Variants in IGF2R observed in about 807,000 individuals in gnomAD.
IGF2R encodes insulin like growth factor 2 receptor.
Under a neutral mutation model 270.6 loss-of-function variants are expected in IGF2R, and 91 were observed. That is an observed-to-expected ratio of 0.34 (90% CI 0.28 to 0.40). The LOEUF is 0.40. IGF2R is among the 10% of genes least tolerant of loss of function. The pLI, the probability that IGF2R is intolerant of heterozygous loss-of-function variation, is 1.00. For missense variants in IGF2R, 2,805 were observed against 3,188.3 expected, an observed-to-expected ratio of 0.88 and a Z score of 2.90; for synonymous variants, 1,316 against 1,258.9, an observed-to-expected ratio of 1.05 and a Z score of -0.96.
At chr6:160,082,585 C>T (rs544230006) in intron 39 of IGF2R, among the ~76,000 whole-genome samples, 1 of 152,268 alleles carries the variant, frequency 6.6e-6, no homozygotes, top group South Asian at 2.1e-4. Flanking sequence ...GCTGGGATTA[C>T]AGGCGTGAGC....
At chr6:159,972,064 A>T (rs1276110845) in intron 1 of IGF2R, among the ~76,000 whole-genome samples, 3 of 152,190 alleles carry the variant, frequency 2.0e-5, no homozygotes. Context: ...AAAACTGGCT[A>T]AAATTTCCGT....
chr6:159,998,539 C>T lies in IGF2R; in HGVS notation c.289+7216C>T, dbSNP rs146502848. On this transcript the variant is annotated intron_variant, in intron 2 of 47. Coordinates refer to ENST00000356956, the MANE Select transcript of IGF2R (RefSeq NM_000876.4). The surrounding 1 kb of genome is among the most constrained non-coding windows in gnomAD (Gnocchi z 4.1). ...GGCCCCGTGGAATAGGAAACGATGC[C>T]TACAGGGGAGATACCAAAGATAACT... is the stretch of plus-strand genomic sequence containing the variant. Among the ~76,000 whole-genome samples, 1 of 152,258 alleles carries T rather than the reference C, an allele frequency of 6.6e-6. No individual in the cohort carries two copies. The highest frequency in any genetic ancestry group is 1.5e-5 in the Non-Finnish European group (1 of 68,024).
In IGF2R at chr6:160,064,809, A is replaced by T. The variant is rs568174083; in HGVS notation, c.4023A>T (p.Val1341=). The T allele has an allele frequency of 2.5e-6, 4 of 1,609,530 alleles. No individual in the cohort carries two copies. The South Asian group carries it at 4.4e-5, about 18-fold the overall frequency. ...GTGCCTCTTAACTTTTTTAGCCAGT[A>T]TTTCTAAAGGAGACTTCAGATTGTT... The part of the protein sequence containing the change: ...FYCDRGTQRP[V]FLKETSDCSY... The change falls in exon 29 of 48, where the codon GTA becomes GTT. Residue 1341 remains valine, a synonymous_variant. Transcript: ENST00000356956.
At chr6:160,037,358 A>G (rs1777850382) in intron 10 of IGF2R, among the ~76,000 whole-genome samples, 1 of 152,250 alleles carries the variant, frequency 6.6e-6, no homozygotes, top group Non-Finnish European at 1.5e-5. Context: ...AAACTCTGAG[A>G]GCAAATTGTG....
intron 15 of IGF2R, among the ~76,000 whole-genome samples, 154 bp downstream of exon 15, chr6:160,046,799 G>A (rs1778078132): frequency 6.6e-6 from 1 of 152,226 alleles, no homozygotes; most frequent in Non-Finnish European, 1.5e-5. Context: ...GATGTTAGGA[G>A]TTTAATTTCC....
At chr6:159,993,877 A>T (rs1172340313) in intron 2 of IGF2R, among the ~76,000 whole-genome samples, 1 of 151,288 alleles carries the variant, frequency 6.6e-6, no homozygotes, top group African/African-American at 2.4e-5. Flanking sequence ...TGTGTTCATT[A>T]GGGATATTGG....
intron 2 of IGF2R, among the ~76,000 whole-genome samples, chr6:159,994,242 A>G (rs1784019613): frequency 6.6e-6 from 1 of 151,876 alleles, no homozygotes; most frequent in African/African-American, 2.4e-5. Context: ...TTTTGAGTGT[A>G]GAGATGTTTA....
chr6:160,005,978 C>T lies in IGF2R; in HGVS notation c.290-3032C>T, dbSNP rs907334824. 6.2e-5 allele frequency: 10 copies of T among 162,006 alleles called. No individual in the cohort carries two copies. In the East Asian group the frequency reaches 1.3e-3, roughly 22 times the overall value. The allele number at this position is 162,006 out of a possible 1,614,324, so 10.0% of individuals were successfully genotyped here. On this transcript the variant is annotated intron_variant, in intron 2 of 47. Transcript: ENST00000356956. ...TCCCGGTGCCTTCTGCCCGCCGCCT[C>T]GCCGCGCCCCTCGCCTCCTCATGCC...
intron 26 of IGF2R, 81 bp downstream of exon 26, chr6:160,062,700 C>CATGCCTTAGATAT: frequency 1.1e-6 from 1 of 945,482 alleles, no homozygotes; most frequent in South Asian, 1.5e-5. Context: ...GATATGAGAC[C>CATGCCTTAGATAT]GTGTGATAAC....
At chr6:159,982,344 C>T (rs1021444057) in intron 1 of IGF2R, among the ~76,000 whole-genome samples, 3 of 152,082 alleles carry the variant, frequency 2.0e-5, no homozygotes, top group Admixed American at 6.5e-5. Flanking sequence ...CAGTAGTGAG[C>T]CAGGTGATTT....
chr6:160,043,381 C>G, intron 12 of IGF2R, 93 bp downstream of exon 12: 1 of 1,349,234 alleles, frequency 7.4e-7, no homozygotes, highest in East Asian at 2.4e-5. Flanking sequence ...TTCATCTAAG[C>G]CTCCTCTTTC....
At chr6:160,090,391 G>A (rs1435922955) in intron 44 of IGF2R, 2 of 219,840 alleles carry the variant, frequency 9.1e-6, no homozygotes, top group Non-Finnish European at 8.9e-6. Flanking sequence ...GCTGAGCTGT[G>A]CACAGTCAGA....
chr6:160,104,777 A>G lies in IGF2R; in HGVS notation c.7169A>G (p.His2390Arg). 1.2e-6 allele frequency: 2 copies of G among 1,614,168 alleles called. No individual in the cohort carries two copies. The highest frequency in any genetic ancestry group is 1.3e-5 in the African/African-American group (1 of 75,040). Residue 2390 changes from histidine (H) to arginine (R), a missense_variant, in exon 48 of 48, where the codon CAT becomes CGT. Physicochemically the swap from His to Arg is conservative, Grantham distance 29 (BLOSUM62 0). Coordinates refer to ENST00000356956, the MANE Select transcript of IGF2R (RefSeq NM_000876.4). ...GGAAAGGAAGGGCAGGAGAACGGCC[A>G]TATTACCACCAAGTCAGTGAAAGCC... is the stretch of plus-strand genomic sequence containing the variant. ...RQGKEGQENG[H>R]ITTKSVKALS...
intron 1 of IGF2R, among the ~76,000 whole-genome samples, chr6:159,983,469 T>A (rs1396257769): frequency 6.6e-6 from 1 of 152,218 alleles, no homozygotes; most frequent in Non-Finnish European, 1.5e-5. Flanking sequence ...GCAGTGAGAT[T>A]ACAGTCAGGA....
rs560006441 is a variant in IGF2R, at chr6:160,012,748, T to C, written c.513+1963T>C. ...TGAGCCACCATGCCCGGCTAATTTA[T>C]ATATATATATATATATTTTTTTTTT... On this transcript the variant is annotated intron_variant, in intron 4 of 47. Transcript: ENST00000356956. Among the ~76,000 whole-genome samples, 29 of 69,394 alleles carry C rather than the reference T, an allele frequency of 4.2e-4. No homozygotes were observed. The East Asian group carries it at 0.021, about 51-fold the overall frequency. The allele number at this position is 69,394 out of a possible 152,430, so 45.5% of individuals were successfully genotyped here.
intron 7 of IGF2R, among the ~76,000 whole-genome samples, chr6:160,031,608 C>CACAT (rs1777698817): frequency 6.6e-6 from 1 of 152,088 alleles, no homozygotes; most frequent in African/African-American, 2.4e-5. Flanking sequence ...TCTTACGGAG[C>CACAT]CCTGGGGTCT....
At chr6:160,047,749 C>G (rs747639386) in intron 16 of IGF2R, 43 bp from the exon 17 acceptor site, 1 of 1,198,522 alleles carries the variant, frequency 8.3e-7, no homozygotes, top group African/African-American at 1.5e-5. Flanking sequence ...TGTCACGTGT[C>G]TTTCTCTTTT....
intron 44 of IGF2R, chr6:160,093,302 C>T: frequency 4.3e-6 from 1 of 232,500 alleles, no homozygotes; most frequent in South Asian, 6.7e-5. Flanking sequence ...CCAGCCCCTG[C>T]TCCGTATCCT....
chr6:160,011,241 T>C (rs8191744), intron 4 of IGF2R, among the ~76,000 whole-genome samples: 4,332 of 152,330 alleles, frequency 0.028, 99 homozygotes, highest in South Asian at 0.081. Context: ...TAAATCTCTC[T>C]GTCCCTCTCC....
Sources: gnomAD v4.1 joint callset for allele counts (sites outside exome capture counted in the v4.1 genomes callset) on GRCh38, gnomAD v4.1.1 for gene constraint, Gnocchi (gnomAD v3.1) non-coding constraint, MANE v1.5 for transcripts, NCBI Gene and HGNC (gene_info 2026-07-23, HGNC 2026-07-21) for gene names.